FSTL3: variants seen among roughly 807,000 people sequenced by gnomAD.
FSTL3 encodes follistatin-related protein 3.
In FSTL3, 21 loss-of-function variants were observed where a neutral mutation model predicts 28.1. The ratio of observed to expected loss-of-function variants is 0.75; its 90% CI spans 0.53 to 1.08. FSTL3 has a LOEUF of 1.08. FSTL3 is among the 50% of genes least tolerant of loss of function. The probability of loss-of-function intolerance (pLI) is 0.00; values close to 1 mark genes in which losing one functional copy is unlikely to be tolerated. For synonymous variants in FSTL3, 199 were observed against 164.2 expected (o/e 1.21, Z -1.62); for missense variants, 400 against 380.9 (o/e 1.05, Z -0.42).
chr19:680,348 G>GCGC lies in FSTL3; in HGVS notation c.366_368dup (p.Pro123dup), dbSNP rs2031301307. ...GGGGGGCCGCCCGCGCTGCGAGTGC[G>GCGC]CGCCCGACTGCTCGGGGCTCCCGGC... On this transcript the variant is annotated inframe_insertion, in exon 3 of 5. Coordinates refer to ENST00000166139, the MANE Select transcript of FSTL3 (RefSeq NM_005860.3). 2 of 1,281,488 alleles carry GCGC rather than the reference G, an allele frequency of 1.6e-6. No homozygotes were observed. Among genetic ancestry groups the GCGC allele is most frequent in the African/African-American group, 1.6e-5 (1 of 64,118 alleles). 79.4% of individuals were successfully genotyped at this position (1,281,488 alleles called of 1,614,324 possible). A position where few individuals can be genotyped will look rare whatever the true frequency, so the allele number is the denominator to read the frequency against.
In FSTL3 at chr19:681,473, G is replaced by A. The variant is rs147508814; in HGVS notation, c.646G>A (p.Val216Ile). The A allele has an allele frequency of 1.3e-4, 216 of 1,601,998 alleles. No individual in the cohort carries two copies. Among genetic ancestry groups the A allele is most frequent in the African/African-American group, 1.2e-3 (93 of 75,002 alleles). ...CCAGGAGCTTTGCGGCAACAACAACGTCACCTACATCTCCTCGTGCCACAT... is the reference window on the plus strand; with the variant it reads ...CCAGGAGCTTTGCGGCAACAACAACATCACCTACATCTCCTCGTGCCACAT... ...PGQELCGNNN[V>I]TYISSCHMRQ... The change falls in exon 4 of 5, where the codon GTC becomes ATC. Residue 216 changes from valine to isoleucine, a missense_variant. Physicochemically the swap from Val to Ile is conservative, Grantham distance 29. Coordinates refer to ENST00000166139, the MANE Select transcript of FSTL3 (RefSeq NM_005860.3).
chr19:677,842 C>T lies in FSTL3; in HGVS notation c.154C>T (p.Leu52Phe). ...QGQEATCSLV[L>F]QTDVTRAECC... Reference sequence around the variant, plus strand: ...CCAGGAGGCCACCTGCAGCCTGGTGCTCCAGACTGATGTCACCCGGGCCGA... The same window carrying T: ...CCAGGAGGCCACCTGCAGCCTGGTGTTCCAGACTGATGTCACCCGGGCCGA... Residue 52 changes from leucine (L) to phenylalanine (F), a missense_variant, in exon 2 of 5, where the codon CTC (leucine) becomes TTC (phenylalanine). By Grantham distance (22) the Leu-to-Phe change is conservative. Coordinates refer to ENST00000166139, the MANE Select transcript of FSTL3 (RefSeq NM_005860.3). 6.8e-6 allele frequency: 11 copies of T among 1,612,780 alleles called. No individual in the cohort carries two copies. The highest frequency in any genetic ancestry group is 9.3e-6 in the Non-Finnish European group (11 of 1,179,976).
chr19:677,651 T>G, intron 1 of FSTL3, 141 bp from the exon 2 acceptor site: 1 of 783,404 alleles, frequency 1.3e-6, no homozygotes, highest in South Asian at 1.8e-5. Context: ...GACACCCATG[T>G]GGTTTTCTGC....
chr19:680,039 C>A, intron 2 of FSTL3: 1 of 256,770 alleles, frequency 3.9e-6, no homozygotes, highest in Non-Finnish European at 7.2e-6. Context: ...CGAGCCCAGC[C>A]CCCGCCCCCC....
rs966782816 is a variant in FSTL3 at position 680,479 on chromosome 19, C to G, written c.495C>G (p.Gly165=). 5.3e-5 allele frequency: 66 copies of G among 1,250,136 alleles called. No homozygotes were observed. Among genetic ancestry groups the G allele is most frequent in the Non-Finnish European group, 6.0e-5 (60 of 997,372 alleles). 77.4% of individuals were successfully genotyped at this position (1,250,136 alleles called of 1,614,324 possible). Residue 165 remains glycine, a synonymous_variant, in exon 3 of 5, where the codon GGC becomes GGG. Coordinates refer to ENST00000166139, the MANE Select transcript of FSTL3 (RefSeq NM_005860.3). ...CGGACCTGAGCGTCATGTACCGGGG[C>G]CGCTGCCGCAGTACGTGGGGGCGTG... The part of the protein sequence containing the change: ...GHPDLSVMYR[G]RCRKSCEHVV...
Position 677,881 on chromosome 19 carries a change from G to A in FSTL3, c.193G>A (p.Gly65Ser), listed in dbSNP as rs565566272. The A allele has an allele frequency of 1.9e-5, 30 of 1,613,438 alleles. No homozygotes were observed. Among genetic ancestry groups the A allele is most frequent in the East Asian group, 4.5e-5 (2 of 44,876 alleles). The change falls in exon 2 of 5, where the codon GGC (glycine) becomes AGC (serine). Residue 65 changes from glycine to serine, a missense_variant. By Grantham distance (56) the Gly-to-Ser change is moderately conservative. Transcript: ENST00000166139. The part of the protein sequence containing the change: ...DVTRAECCAS[G>S]NIDTAWSNLT... ...CACCCGGGCCGAGTGCTGTGCCTCC[G>A]GCAACATTGACACCGCCTGGTCCAA...
chr19:677,375 C>T (rs1022153793), intron 1 of FSTL3, among the ~76,000 whole-genome samples: 2 of 152,054 alleles, frequency 1.3e-5, no homozygotes, highest in Admixed American at 6.5e-5. Flanking sequence ...CGCGGGGCTC[C>T]GCGTGCCCTC....
At chr19:678,509 T>TTTG (rs1568202622) in intron 2 of FSTL3, among the ~76,000 whole-genome samples, 2 of 113,882 alleles carry the variant, frequency 1.8e-5, no homozygotes, top group Non-Finnish European at 3.7e-5. Flanking sequence ...GTTTTTTTTT[T>TTTG]TTTTTTTTTT....
chr19:680,705 C>T (rs1255934201), intron 3 of FSTL3: 5 of 367,276 alleles, frequency 1.4e-5, no homozygotes, highest in South Asian at 1.2e-4. Context: ...AGGGGCGGGG[C>T]CGCTGCCGCA....
chr19:681,580 G>C lies in FSTL3; in HGVS notation c.733+20G>C, dbSNP rs780289220. The stretch of plus-strand genomic sequence containing the variant: ...GCGCAGGTGCAGACGCAGGGCGGGG[G>C]CACAGGCCTGTCCTGGGGGCCGGAG... On this transcript the variant is annotated intron_variant, in intron 4 of 4. Transcript: ENST00000166139. 2 of 1,599,424 alleles carry C rather than the reference G, an allele frequency of 1.3e-6. No homozygotes were observed. The highest frequency in any genetic ancestry group is 2.2e-5 in the South Asian group (2 of 89,696).
chr19:681,143 A>G (rs1456341733), intron 3 of FSTL3, among the ~76,000 whole-genome samples, 190 bp from the exon 4 acceptor site: 1 of 88,156 alleles, frequency 1.1e-5, no homozygotes, highest in African/African-American at 4.4e-5. Flanking sequence ...TACAATGGGA[A>G]GGGCAGGGCT....
At chr19:679,050 G>T (rs182634145) in intron 2 of FSTL3, among the ~76,000 whole-genome samples, 2 of 152,234 alleles carry the variant, frequency 1.3e-5, no homozygotes, top group Admixed American at 6.5e-5. Context: ...TCCCAGATCA[G>T]CCTGGCTGGG....
intron 2 of FSTL3, 161 bp from the exon 3 acceptor site, chr19:680,113 T>A (rs1300007801): frequency 6.5e-6 from 2 of 305,542 alleles, no homozygotes; most frequent in Non-Finnish European, 1.1e-5. Flanking sequence ...GCCCTGCCCC[T>A]GGGAACCCGA....
In FSTL3 at chr19:682,830, C is replaced by G. The variant is rs2031369205; in HGVS notation, c.*1122C>G. 1.7e-5 allele frequency: 4 copies of G among 233,014 alleles called. No individual in the cohort carries two copies. The South Asian group carries it at 7.2e-4, about 42-fold the overall frequency. The allele number at this position is 233,014 out of a possible 1,614,324, so 14.4% of individuals were successfully genotyped here. A position where few individuals can be genotyped will look rare whatever the true frequency, so the allele number is the denominator to read the frequency against. On this transcript the variant is annotated 3_prime_UTR_variant, in exon 5 of 5. Transcript: ENST00000166139. ...GGGACCACGGGCCACTGCTCACCCACTGGCCCCGAGGGGGGTGTAGACGCC... is the reference window on the plus strand; with the variant it reads ...GGGACCACGGGCCACTGCTCACCCAGTGGCCCCGAGGGGGGTGTAGACGCC...
chr19:680,634 C>G (rs1284174423), intron 3 of FSTL3, 145 bp downstream of exon 3: 2 of 430,916 alleles, frequency 4.6e-6, no homozygotes, highest in Non-Finnish European at 7.3e-6. Context: ...GGGCTGCTAC[C>G]GCAATGCGTG....
rs1163100428 is a variant in FSTL3 at position 681,826 on chromosome 19, C to T, written c.*118C>T. Reference sequence around the variant, plus strand: ...CACTCCTTAGAGCCCGGATTCGGACCACTTGGGGATCCCAGAACCTCCCTG... The same window carrying T: ...CACTCCTTAGAGCCCGGATTCGGACTACTTGGGGATCCCAGAACCTCCCTG... On this transcript the variant is annotated 3_prime_UTR_variant, in exon 5 of 5. Transcript: ENST00000166139. 7.7e-6 allele frequency: 7 copies of T among 908,750 alleles called. No individual in the cohort carries two copies. In the South Asian group the frequency reaches 1.0e-4, roughly 13 times the overall value. 56.3% of individuals were successfully genotyped at this position (908,750 alleles called of 1,614,324 possible). A position where few individuals can be genotyped will look rare whatever the true frequency, so the allele number is the denominator to read the frequency against.
Position 678,200 on chromosome 19 carries a change from C to T in FSTL3, c.289+223C>T, listed in dbSNP as rs1342709912. 5 of 549,922 alleles carry T rather than the reference C, an allele frequency of 9.1e-6. No homozygotes were observed. The Admixed American group carries it at 1.4e-4, about 15-fold the overall frequency. 34.1% of individuals were successfully genotyped at this position (549,922 alleles called of 1,614,324 possible). On this transcript the variant is annotated intron_variant, in intron 2 of 4. Coordinates refer to ENST00000166139, the MANE Select transcript of FSTL3 (RefSeq NM_005860.3). Reference sequence around the variant, plus strand: ...TCAGGAAGAGACCACGTGGCTCCAGCCTTTGCTGGGGCTGAGCTCTCTGCC... The same window carrying T: ...TCAGGAAGAGACCACGTGGCTCCAGTCTTTGCTGGGGCTGAGCTCTCTGCC...
intron 3 of FSTL3, 132 bp from the exon 4 acceptor site, chr19:681,201 G>GC (rs2031325623): frequency 3.3e-6 from 2 of 614,548 alleles, no homozygotes; most frequent in Admixed American, 3.0e-5. Context: ...CTCACGGGGG[G>GC]CGGGGGGGTG....
Position 681,963 on chromosome 19 carries a change from C to T in FSTL3, c.*255C>T. The T allele has an allele frequency of 1.7e-6, 1 of 575,270 alleles. No individual in the cohort carries two copies. The highest frequency in any genetic ancestry group is 3.1e-6 in the Non-Finnish European group (1 of 320,624). 35.6% of individuals were successfully genotyped at this position (575,270 alleles called of 1,614,324 possible). A position where few individuals can be genotyped will look rare whatever the true frequency, so the allele number is the denominator to read the frequency against. ...ATTTAGGGCCCTTCTCTAGGATGCC[C>T]CAGCCCCTACCCTAAGACCTATTGC... On this transcript the variant is annotated 3_prime_UTR_variant, in exon 5 of 5. Coordinates refer to ENST00000166139, the MANE Select transcript of FSTL3 (RefSeq NM_005860.3).
Sources: allele counts gnomAD v4.1 joint callset (sites outside exome capture counted in the v4.1 genomes callset), GRCh38; gene constraint gnomAD v4.1.1; transcripts MANE v1.5; gene names NCBI Gene and HGNC (gene_info 2026-07-23, HGNC 2026-07-21).